The following SEMA3C variants were observed in gnomAD, a reference collection of about 807,000 sequenced individuals.
The protein encoded by SEMA3C is semaphorin-3C.
In SEMA3C, 47 loss-of-function variants were observed where a neutral mutation model predicts 89.4. The observed-to-expected ratio is 0.53, with a 90% CI of 0.42 to 0.67. The LOEUF (loss-of-function observed/expected upper bound fraction) is 0.67, where lower values mean the gene tolerates loss of function less well. SEMA3C is among the 30% of genes least tolerant of loss of function. The pLI, the probability that SEMA3C is intolerant of heterozygous loss-of-function variation, is 0.00. For missense variants in SEMA3C, 839 were observed against 929.1 expected (o/e 0.90, Z 1.26); for synonymous variants, 310 against 320.2 (o/e 0.97, Z 0.34).
intron 12 of SEMA3C, among the ~76,000 whole-genome samples, chr7:80,786,260 G>T (rs1209197284): frequency 1.3e-5 from 2 of 152,100 alleles, no homozygotes; most frequent in African/African-American, 4.8e-5. Flanking sequence ...AAAAGCCAAA[G>T]AATTTGTGCA....
chr7:80,745,998 GA>G (rs773197574), intron 17 of SEMA3C, among the ~76,000 whole-genome samples: 27 of 152,000 alleles, frequency 1.8e-4, no homozygotes, highest in Non-Finnish European at 1.2e-4. Context: ...GGTTTTACTG[GA>G]AAAAATGATT....
chr7:80,884,466 C>T (rs1791425535), intron 2 of SEMA3C, among the ~76,000 whole-genome samples: 3 of 152,076 alleles, frequency 2.0e-5, no homozygotes, highest in African/African-American at 7.2e-5. Context: ...TTAAAAGACT[C>T]CTATGATTCA....
At chr7:80,818,246 A>G in intron 5 of SEMA3C, 53 bp downstream of exon 5, 2 of 1,499,940 alleles carry the variant, frequency 1.3e-6, no homozygotes, top group Non-Finnish European at 9.1e-7. Context: ...ATACAGTTTC[A>G]AAAATCCTTG....
chr7:80,858,860 C>T (rs1014898673), intron 2 of SEMA3C, among the ~76,000 whole-genome samples: 1 of 152,068 alleles, frequency 6.6e-6, no homozygotes, highest in South Asian at 2.1e-4. Context: ...CGAGGTAATT[C>T]TCCATATGAA....
At chr7:80,879,325 C>G (rs889884119) in intron 2 of SEMA3C, among the ~76,000 whole-genome samples, 1 of 152,120 alleles carries the variant, frequency 6.6e-6, no homozygotes, top group African/African-American at 2.4e-5. Flanking sequence ...AGTGATGGAA[C>G]AAAGTTCTTT....
chr7:80,842,284 C>A (rs1055568824), intron 2 of SEMA3C, among the ~76,000 whole-genome samples: 3 of 152,118 alleles, frequency 2.0e-5, no homozygotes, highest in African/African-American at 4.8e-5. Flanking sequence ...TGCTAGACTG[C>A]GAAACCATTT....
At chr7:80,826,312 A>C (rs559456688) in intron 4 of SEMA3C, among the ~76,000 whole-genome samples, 2 of 152,266 alleles carry the variant, frequency 1.3e-5, no homozygotes, top group African/African-American at 4.8e-5. Flanking sequence ...CCTACCACAA[A>C]ATAAATGCTT....
intron 2 of SEMA3C, among the ~76,000 whole-genome samples, chr7:80,864,113 A>T (rs1790868871): frequency 6.6e-6 from 1 of 152,038 alleles, no homozygotes; most frequent in South Asian, 2.1e-4. Context: ...GAGACTGGAG[A>T]CTACTATTCT....
At chr7:80,777,121 T>C (rs1337068107) in intron 12 of SEMA3C, among the ~76,000 whole-genome samples, 2 of 152,188 alleles carry the variant, frequency 1.3e-5, no homozygotes, top group Non-Finnish European at 2.9e-5. Flanking sequence ...CTATAAAGTC[T>C]ACTTTAAAAT....
intron 2 of SEMA3C, among the ~76,000 whole-genome samples, chr7:80,904,525 A>G (rs1045139527): frequency 6.6e-6 from 1 of 152,218 alleles, no homozygotes; most frequent in African/African-American, 2.4e-5. Flanking sequence ...AAACTGCGTT[A>G]CCACTACACT....
chr7:80,777,920 G>A (rs924153656), intron 12 of SEMA3C, among the ~76,000 whole-genome samples: 3 of 152,120 alleles, frequency 2.0e-5, no homozygotes, highest in African/African-American at 7.2e-5. Context: ...ACAACAAAAT[G>A]TTCCCTTTTA....
At chr7:80,850,027 C>G (rs193074870) in intron 2 of SEMA3C, among the ~76,000 whole-genome samples, 100 of 152,156 alleles carry the variant, frequency 6.6e-4, no homozygotes, top group African/African-American at 2.3e-3. Flanking sequence ...GACCAACAAA[C>G]TGAAAAGTGT....
intron 12 of SEMA3C, among the ~76,000 whole-genome samples, chr7:80,780,318 C>T (rs965674060): frequency 7.2e-5 from 11 of 152,084 alleles, no homozygotes; most frequent in African/African-American, 2.7e-4. Context: ...GTGCAATAAG[C>T]TCAATAAATT....
intron 2 of SEMA3C, chr7:80,905,740 C>G: frequency 1.5e-6 from 1 of 665,954 alleles, no homozygotes; most frequent in Middle Eastern, 2.9e-4. Context: ...TTTAAAATGT[C>G]ACCTTCTGTG....
At chr7:80,846,913 C>T (rs1434679273) in intron 2 of SEMA3C, among the ~76,000 whole-genome samples, 1 of 152,146 alleles carries the variant, frequency 6.6e-6, no homozygotes, top group Non-Finnish European at 1.5e-5. Flanking sequence ...AGGATTAGAA[C>T]TCCAGAAAGC....
chr7:80,912,350 T>C (rs1792172789), intron 2 of SEMA3C, among the ~76,000 whole-genome samples: 1 of 152,196 alleles, frequency 6.6e-6, no homozygotes, highest in Admixed American at 6.5e-5. Context: ...TATCAATACA[T>C]ATTACAGGGG....
chr7:80,801,599 T>C (rs1378778706), intron 9 of SEMA3C, among the ~76,000 whole-genome samples: 1 of 152,082 alleles, frequency 6.6e-6, no homozygotes, highest in Non-Finnish European at 1.5e-5. Context: ...CAAAGAAATA[T>C]GTATTTATTT....
intron 2 of SEMA3C, among the ~76,000 whole-genome samples, chr7:80,830,360 T>C (rs1297821264): frequency 2.6e-5 from 4 of 152,082 alleles, no homozygotes; most frequent in Non-Finnish European, 5.9e-5. Context: ...GTGAAATGAG[T>C]GACAAGAGAT....
chr7:80,797,937 G>A (rs2115642072), intron 11 of SEMA3C, among the ~76,000 whole-genome samples, 155 bp downstream of exon 11: 1 of 152,240 alleles, frequency 6.6e-6, no homozygotes. Context: ...GGCGGAGGGT[G>A]AGGTGAGCTG....
Sources: allele counts gnomAD v4.1 joint callset (sites outside exome capture counted in the v4.1 genomes callset), GRCh38; gene constraint gnomAD v4.1.1; transcripts MANE v1.5; gene names NCBI Gene and HGNC (gene_info 2026-07-23, HGNC 2026-07-21).